The following ADAMTS17 variants were observed in gnomAD, a reference collection of about 807,000 sequenced individuals.
The protein encoded by ADAMTS17 is A disintegrin and metalloproteinase with thrombospondin motifs 17.
Under a neutral mutation model 141.5 loss-of-function variants are expected in ADAMTS17, and 113 were observed. The observed-to-expected ratio is 0.80, with a 90% confidence interval of 0.69 to 0.93. ADAMTS17 has a LOEUF of 0.93. ADAMTS17 is among the 40% of genes least tolerant of loss of function. The probability of loss-of-function intolerance (pLI) is 0.00; values close to 1 mark genes in which losing one functional copy is unlikely to be tolerated. For missense variants in ADAMTS17, 1,659 were observed against 1,517.9 expected, an observed-to-expected ratio of 1.09 and a Z score of -1.54; for synonymous variants, 768 against 630.6, an observed-to-expected ratio of 1.22 and a Z score of -3.27.
chr15:100,306,659 C>T (rs191285831), intron 3 of ADAMTS17: 40 of 443,362 alleles, frequency 9.0e-5, no homozygotes, highest in South Asian at 3.2e-4. Flanking sequence ...CAATTTCAAA[C>T]GACTCAGCTT....
intron 8 of ADAMTS17, among the ~76,000 whole-genome samples, chr15:100,196,182 A>C (rs1054963780): frequency 6.6e-6 from 1 of 152,262 alleles, no homozygotes; most frequent in African/African-American, 2.4e-5. Context: ...ATTTGACTGC[A>C]AATTGGATTA....
chr15:100,121,617 G>GAAAATTAAC (rs2141177213), intron 12 of ADAMTS17, among the ~76,000 whole-genome samples: 2 of 152,220 alleles, frequency 1.3e-5, no homozygotes, highest in East Asian at 3.9e-4. Flanking sequence ...AAATCAAGGT[G>GAAAATTAAC]AAAATTAACA....
intron 7 of ADAMTS17, among the ~76,000 whole-genome samples, chr15:100,238,303 C>T (rs997184748): frequency 6.6e-6 from 1 of 152,148 alleles, no homozygotes; most frequent in African/African-American, 2.4e-5. Flanking sequence ...TTCCCTTTAT[C>T]GCCAGCCTCC....
Position 100,341,790 on chromosome 15 carries a change from G to C in ADAMTS17, c.79+31C>G, listed in dbSNP as rs2585224. The C allele has an allele frequency of 0.26, 407,831 of 1,544,976 alleles. 57,277 individuals are homozygous for C. Among genetic ancestry groups the C allele is most frequent in the African/African-American group, 0.49 (35,526 of 72,466 alleles). ...AGAGGGAAGGTAGCCGCAGGACGCGGGGTGAAGAGGGCTGTGGGAGGGGGC... is the reference window on the plus strand; with the variant it reads ...AGAGGGAAGGTAGCCGCAGGACGCGCGGTGAAGAGGGCTGTGGGAGGGGGC... On this transcript the variant is annotated intron_variant, in intron 1 of 21. Transcript: ENST00000268070.
chr15:100,289,981 T>G (rs1026172345), intron 3 of ADAMTS17, among the ~76,000 whole-genome samples: 1 of 152,116 alleles, frequency 6.6e-6, no homozygotes, highest in African/African-American at 2.4e-5. Flanking sequence ...CTCTCATGGC[T>G]CCTACTCAAC....
At chr15:100,136,811 G>A (rs374842071) in intron 10 of ADAMTS17, among the ~76,000 whole-genome samples, 22 of 152,298 alleles carry the variant, frequency 1.4e-4, no homozygotes, top group East Asian at 1.4e-3. Flanking sequence ...AAAAAATGGC[G>A]CAAAATAATG....
chr15:100,067,982 T>A (rs2033670048), intron 15 of ADAMTS17, among the ~76,000 whole-genome samples: 1 of 151,472 alleles, frequency 6.6e-6, no homozygotes. Flanking sequence ...GCGCAAGGGG[T>A]CAGGGAATTC....
At chr15:100,172,707 C>T (rs2040204400) in intron 8 of ADAMTS17, among the ~76,000 whole-genome samples, 1 of 152,226 alleles carries the variant, frequency 6.6e-6, no homozygotes, top group African/African-American at 2.4e-5. Flanking sequence ...CCCACCCTAG[C>T]CAATACGGGA....
intron 7 of ADAMTS17, among the ~76,000 whole-genome samples, chr15:100,219,922 C>G (rs540671933): frequency 1.3e-5 from 2 of 152,234 alleles, no homozygotes; most frequent in South Asian, 2.1e-4. Flanking sequence ...ATAATATGTG[C>G]CAAAAACCGC....
intron 13 of ADAMTS17, among the ~76,000 whole-genome samples, chr15:100,112,605 A>G (rs74517154): frequency 0.048 from 7,229 of 152,136 alleles, 571 homozygotes; most frequent in African/African-American, 0.16. Flanking sequence ...CTTTGCACCC[A>G]GCATCAACAC....
intron 3 of ADAMTS17, among the ~76,000 whole-genome samples, chr15:100,283,140 G>T (rs1364206496): frequency 1.3e-5 from 2 of 152,208 alleles, no homozygotes; most frequent in African/African-American, 4.8e-5. Context: ...AGGGAGAAAA[G>T]TATGCCATCT....
chr15:100,068,097 G>T (rs892224318), intron 15 of ADAMTS17, among the ~76,000 whole-genome samples: 1 of 152,136 alleles, frequency 6.6e-6, no homozygotes, highest in African/African-American at 2.4e-5. Context: ...GGCACGCCAG[G>T]AGATTATATC....
At chr15:100,319,203 A>T (rs926623360) in intron 3 of ADAMTS17, among the ~76,000 whole-genome samples, 1 of 152,264 alleles carries the variant, frequency 6.6e-6, no homozygotes, top group African/African-American at 2.4e-5. Context: ...TGAAGCAGCC[A>T]AGAGCAGAGC....
At chr15:100,074,903 C>G (rs112289171) in intron 15 of ADAMTS17, among the ~76,000 whole-genome samples, 8 of 152,042 alleles carry the variant, frequency 5.3e-5, no homozygotes, top group Non-Finnish European at 1.0e-4. Flanking sequence ...CTTTATTTCC[C>G]TATTCTCTAT....
chr15:100,085,094 A>G (rs1484422622), intron 15 of ADAMTS17, among the ~76,000 whole-genome samples: 2 of 152,044 alleles, frequency 1.3e-5, no homozygotes, highest in Admixed American at 6.6e-5. Context: ...AAAAACCTTG[A>G]AAAAATATTA....
At chr15:100,021,990 C>G (rs1343941246) in intron 18 of ADAMTS17, among the ~76,000 whole-genome samples, 1 of 152,158 alleles carries the variant, frequency 6.6e-6, no homozygotes, top group Non-Finnish European at 1.5e-5. Context: ...CCGTTCCTGC[C>G]AAGACTATCC....
At chr15:100,329,693 T>C (rs757788790) in intron 3 of ADAMTS17, among the ~76,000 whole-genome samples, 15 of 152,188 alleles carry the variant, frequency 9.9e-5, no homozygotes, top group Non-Finnish European at 2.1e-4. Flanking sequence ...AATGTCTCCA[T>C]TTGAGACTCA....
At chr15:100,118,552 G>T (rs545350184) in intron 12 of ADAMTS17, among the ~76,000 whole-genome samples, 1 of 152,340 alleles carries the variant, frequency 6.6e-6, no homozygotes, top group Admixed American at 6.5e-5. Flanking sequence ...GAGGGGCCTT[G>T]TGTTCTGCTT....
Position 100,216,113 on chromosome 15 carries a change from T to C in ADAMTS17, c.1076-16690A>G, listed in dbSNP as rs73479357. 1.9e-3 allele frequency among the ~76,000 whole-genome samples: 288 copies of C among 152,330 alleles called. 2 individuals are homozygous for C. The highest frequency in any genetic ancestry group is 6.5e-3 in the African/African-American group (271 of 41,572). On this transcript the variant is annotated intron_variant, in intron 7 of 21. Transcript: ENST00000268070. The stretch of plus-strand genomic sequence containing the variant: ...CTTCCCACCTGGGTGACTATGGCAA[T>C]TGTTTCATCTCCCCAAGCCTTGTGC...
Sources: gnomAD v4.1 joint callset for allele counts (sites outside exome capture counted in the v4.1 genomes callset) on GRCh38, gnomAD v4.1.1 for gene constraint, MANE v1.5 for transcripts, NCBI Gene and HGNC (gene_info 2026-07-23, HGNC 2026-07-21) for gene names.